SNCAIP: variants seen among roughly 807,000 people sequenced by gnomAD.
The protein encoded by SNCAIP is synphilin-1.
A neutral mutation model predicts 86.7 loss-of-function variants in SNCAIP; 43 were observed. The observed-to-expected ratio is 0.50, with a 90% CI of 0.39 to 0.64. The LOEUF is 0.64. Among genes scored for constraint, SNCAIP ranks in the 30% least tolerant of loss-of-function variants. The pLI is 0.00. For missense variants in SNCAIP, 981 were observed against 1,103.1 expected (o/e 0.89, Z 1.57); for synonymous variants, 417 against 427.2 (o/e 0.98, Z 0.29).
chr5:122,421,772 T>C (rs1164550097), intron 3 of SNCAIP, among the ~76,000 whole-genome samples: 1 of 152,138 alleles, frequency 6.6e-6, no homozygotes, highest in African/African-American at 2.4e-5. Flanking sequence ...TCATCTTTTA[T>C]CTAGCAGTGG....
chr5:122,426,039 G>T (rs983000301), intron 5 of SNCAIP, among the ~76,000 whole-genome samples: 2 of 152,102 alleles, frequency 1.3e-5, no homozygotes, highest in African/African-American at 4.8e-5. Context: ...AGCACAGTAC[G>T]CTACCAAAAA....
At chr5:122,401,087 A>G (rs759197018) in intron 2 of SNCAIP, 1 of 1,550,102 alleles carries the variant, frequency 6.5e-7, no homozygotes, top group Non-Finnish European at 8.7e-7. Context: ...AACTGACAGT[A>G]GTTGCTGCCC....
chr5:122,404,647 G>A (rs1298657299), intron 3 of SNCAIP, among the ~76,000 whole-genome samples: 1 of 152,108 alleles, frequency 6.6e-6, no homozygotes, highest in Admixed American at 6.5e-5. Flanking sequence ...TCCCAAAGCT[G>A]GACCTACTCT....
chr5:122,398,105 T>A (rs1428930574), intron 2 of SNCAIP, among the ~76,000 whole-genome samples: 1 of 152,020 alleles, frequency 6.6e-6, no homozygotes, highest in Non-Finnish European at 1.5e-5. Flanking sequence ...ACAGAGACAA[T>A]TCTTTCAAAA....
intron 1 of SNCAIP, among the ~76,000 whole-genome samples, chr5:122,362,905 A>G (rs796436286): frequency 1.1e-4 from 16 of 152,326 alleles, no homozygotes; most frequent in African/African-American, 3.8e-4. Flanking sequence ...TAAGTCCCAG[A>G]CAAACAATAT....
rs1461532172 is a variant in SNCAIP, at chr5:122,451,424, G to A, written c.2577G>A (p.Arg859=). ...ACGAATCGGGGGATCAACTGAAAAG[G>A]CCTTTTGGAGCCTTTCGATCTATCA... ...TSNESGDQLK[R]PFGAFRSIME... The change falls in exon 10 of 11, where the codon AGG becomes AGA. Residue 859 remains arginine (R), a synonymous_variant. Transcript: ENST00000261368. The A allele has an allele frequency of 6.2e-7, 1 of 1,614,044 alleles. No individual in the cohort carries two copies. The highest frequency in any genetic ancestry group is 8.5e-7 in the Non-Finnish European group (1 of 1,180,002).
intron 3 of SNCAIP, among the ~76,000 whole-genome samples, chr5:122,408,339 G>C (rs546352980): frequency 6.6e-6 from 1 of 152,124 alleles, no homozygotes; most frequent in Non-Finnish European, 1.5e-5. Context: ...AAAACAAGCC[G>C]TGTTTGTGGC....
rs1035064619 is a variant in SNCAIP, at chr5:122,391,142, C to G, written c.8C>G (p.Ala3Gly). 6.2e-7 allele frequency: 1 copy of G among 1,609,216 alleles called. No homozygotes were observed. The highest frequency in any genetic ancestry group is 8.5e-7 in the Non-Finnish European group (1 of 1,175,742). ...AATGTGCAAGGAAGAATAATGGAAGCCCCTGAATACCTTGATTTGGATGAA... is the reference window on the plus strand; with the variant it reads ...AATGTGCAAGGAAGAATAATGGAAGGCCCTGAATACCTTGATTTGGATGAA... ME[A>G]PEYLDLDEID... Residue 3 changes from alanine (A) to glycine (G), a missense_variant, in exon 2 of 11, where the codon GCC (alanine) becomes GGC (glycine). By Grantham distance (60) the Ala-to-Gly change is moderately conservative (BLOSUM62 0). Transcript: ENST00000261368.
chr5:122,366,312 T>C (rs1470222811), intron 1 of SNCAIP, among the ~76,000 whole-genome samples: 2 of 152,168 alleles, frequency 1.3e-5, no homozygotes, highest in South Asian at 2.1e-4. Context: ...CAGGAGCTGA[T>C]GACATAGAAG....
At chr5:122,440,473 A>G (rs1263072143) in intron 6 of SNCAIP, 156 bp from the exon 7 acceptor site, 1 of 709,868 alleles carries the variant, frequency 1.4e-6, no homozygotes, top group South Asian at 1.7e-5. Context: ...CAGAGATTCA[A>G]GGATTTTCAA....
Position 122,423,005 on chromosome 5 carries a change from G to A in SNCAIP, c.268G>A (p.Glu90Lys). Residue 90 changes from glutamate to lysine, a missense_variant, in exon 4 of 11, where the codon GAG becomes AAG. Glu to Lys is a moderately conservative substitution (Grantham distance 56). Transcript: ENST00000261368. ...ACTGAAACATCAGCCAGAGACTCTGGAGAACAATGAAAGTGATGACCAAAA... is the reference window on the plus strand; with the variant it reads ...ACTGAAACATCAGCCAGAGACTCTGAAGAACAATGAAAGTGATGACCAAAA... ...SPLKHQPETL[E>K]NNESDDQKNQ... The A allele has an allele frequency of 6.2e-7, 1 of 1,614,130 alleles. No individual in the cohort carries two copies. Among genetic ancestry groups the A allele is most frequent in the Non-Finnish European group, 8.5e-7 (1 of 1,180,018 alleles).
intron 8 of SNCAIP, among the ~76,000 whole-genome samples, chr5:122,448,225 C>T (rs941605556): frequency 1.7e-4 from 26 of 152,076 alleles, no homozygotes; most frequent in Non-Finnish European, 3.2e-4. Flanking sequence ...TGTCCTGGCT[C>T]GTGAGAGCTG....
intron 10 of SNCAIP, among the ~76,000 whole-genome samples, chr5:122,455,328 A>G (rs1045931448): frequency 1.3e-5 from 2 of 152,234 alleles, no homozygotes; most frequent in Non-Finnish European, 2.9e-5. Context: ...CTGATAAATT[A>G]AGACTAGAGT....
At chr5:122,369,423 C>A (rs984906715) in intron 1 of SNCAIP, among the ~76,000 whole-genome samples, 5 of 152,134 alleles carry the variant, frequency 3.3e-5, no homozygotes, top group African/African-American at 1.2e-4. Context: ...CCTAGATTGC[C>A]TCAGGCCACA....
At position 122,440,763 on chromosome 5, in the gene SNCAIP, G is replaced by C. The variant is rs753530398; in HGVS notation, c.1422+9G>C. On this transcript the variant is annotated intron_variant, in intron 7 of 10. Coordinates refer to ENST00000261368, the MANE Select transcript of SNCAIP (RefSeq NM_005460.4). The stretch of plus-strand genomic sequence containing the variant: ...ACCTTGGATGCATACAGGTACACAG[G>C]CCCTGCTGTTTTGCAATGAGAAATG... 1 of 1,613,508 alleles carries C rather than the reference G, an allele frequency of 6.2e-7. No homozygotes were observed. The highest frequency in any genetic ancestry group is 8.5e-7 in the Non-Finnish European group (1 of 1,179,466).
intron 1 of SNCAIP, among the ~76,000 whole-genome samples, chr5:122,367,225 A>T (rs1007078529): frequency 2.6e-5 from 4 of 152,318 alleles, no homozygotes; most frequent in South Asian, 2.1e-4. Context: ...AGACTTGACC[A>T]TAGGGAGCAA....
intron 1 of SNCAIP, among the ~76,000 whole-genome samples, chr5:122,330,222 C>T (rs917403010): frequency 3.2e-4 from 48 of 149,094 alleles, no homozygotes; most frequent in African/African-American, 1.0e-3. Flanking sequence ...CCCGGGTTCA[C>T]GCCATTGTCC....
intron 2 of SNCAIP, among the ~76,000 whole-genome samples, chr5:122,394,610 C>G (rs950941777): frequency 1.3e-5 from 2 of 152,324 alleles, no homozygotes; most frequent in South Asian, 4.1e-4. Flanking sequence ...ACAGATTTCT[C>G]TCTTCCTATG....
At chr5:122,396,082 T>A (rs1270539824) in intron 2 of SNCAIP, among the ~76,000 whole-genome samples, 1 of 152,178 alleles carries the variant, frequency 6.6e-6, no homozygotes, top group East Asian at 1.9e-4. Flanking sequence ...CTGTCCAGAA[T>A]ACCTCAGCTT....
Sources: gnomAD v4.1 joint callset for allele counts (sites outside exome capture counted in the v4.1 genomes callset) on GRCh38, gnomAD v4.1.1 for gene constraint, MANE v1.5 for transcripts, NCBI Gene and HGNC (gene_info 2026-07-23, HGNC 2026-07-21) for gene names.